Variants in LARP4 observed in about 807,000 individuals in gnomAD.
LARP4 encodes la-related protein 4.
LARP4 carries 29 observed loss-of-function variants against 92.9 expected under a neutral mutation model. The observed-to-expected ratio is 0.31, with a 90% CI of 0.23 to 0.43. The LOEUF is 0.43. Ranked by LOEUF, LARP4 falls within the 20% of genes least tolerant of loss-of-function variation. The pLI, the probability that LARP4 is intolerant of heterozygous loss-of-function variation, is 1.00. For synonymous variants in LARP4, 279 were observed against 284.1 expected, an observed-to-expected ratio of 0.98 and a Z score of 0.18; for missense variants, 732 against 860.0, an observed-to-expected ratio of 0.85 and a Z score of 1.86.
rs1005719971 is a variant in LARP4 at position 50,478,130 on chromosome 12, A to C, written c.*2266A>C. 1 of 152,536 alleles carries C rather than the reference A, an allele frequency of 6.6e-6. No individual in the cohort carries two copies. Among genetic ancestry groups the C allele is most frequent in the Admixed American group, 6.5e-5 (1 of 15,270 alleles). The allele number at this position is 152,536 out of a possible 1,614,324, so 9.4% of individuals were successfully genotyped here. On this transcript the variant is annotated 3_prime_UTR_variant, in exon 16 of 16. Transcript: ENST00000398473. ...AATTTAAAGGTTGTAATTGAAATACAAGAAAAGAGCCTTCTTTTAGAAGAA... is the reference window on the plus strand; with the variant it reads ...AATTTAAAGGTTGTAATTGAAATACCAGAAAAGAGCCTTCTTTTAGAAGAA...
At chr12:50,433,197 G>A (rs999828641) in intron 4 of LARP4, among the ~76,000 whole-genome samples, 3 of 151,428 alleles carry the variant, frequency 2.0e-5, no homozygotes, top group African/African-American at 7.3e-5. Context: ...AGGAAGGAAA[G>A]ATCTTCTTTG....
intron 10 of LARP4, among the ~76,000 whole-genome samples, chr12:50,457,860 G>A (rs1954610242): frequency 6.7e-6 from 1 of 149,578 alleles, no homozygotes; most frequent in African/African-American, 2.5e-5. Flanking sequence ...TATTTTCATT[G>A]CTATTTAAGA....
intron 13 of LARP4, among the ~76,000 whole-genome samples, chr12:50,469,227 G>A (rs1956584382): frequency 1.3e-5 from 2 of 152,124 alleles, no homozygotes; most frequent in East Asian, 1.9e-4. Flanking sequence ...ATTGTGACAC[G>A]TAGTAGTTAT....
chr12:50,433,859 C>G (rs1289680937), intron 4 of LARP4, among the ~76,000 whole-genome samples: 2 of 152,072 alleles, frequency 1.3e-5, no homozygotes, highest in African/African-American at 4.8e-5. Context: ...AGGCTAATCT[C>G]AAACTCCTGA....
intron 1 of LARP4, among the ~76,000 whole-genome samples, chr12:50,417,036 T>G (rs1409370107): frequency 6.6e-6 from 1 of 152,148 alleles, no homozygotes; most frequent in Admixed American, 6.6e-5. Context: ...GTTTAAAAAC[T>G]TTGATGAGAT....
chr12:50,467,105 T>G lies in LARP4; in HGVS notation c.1530T>G (p.Gly510=). 6.2e-7 allele frequency: 1 copy of G among 1,602,632 alleles called. No individual in the cohort carries two copies. The highest frequency in any genetic ancestry group is 8.5e-7 in the Non-Finnish European group (1 of 1,171,000). ...ATAGGATGTCTGATGTTGTTAAAGG[T>G]GTCTACAAAGAAAAGGTAAACACCC... ...LENRMSDVVK[G]VYKEKDNEEL... is the part of the protein sequence containing the mutation. The change falls in exon 13 of 16, where the codon GGT becomes GGG. Residue 510 remains glycine, a synonymous_variant. Transcript: ENST00000398473.
At chr12:50,443,715 G>A (rs181070986) in intron 8 of LARP4, among the ~76,000 whole-genome samples, 7 of 152,252 alleles carry the variant, frequency 4.6e-5, no homozygotes, top group East Asian at 1.9e-4. Context: ...GGGTTCAAGC[G>A]ATTCTCCTGC....
At chr12:50,427,304 T>C (rs1040009459) in intron 1 of LARP4, among the ~76,000 whole-genome samples, 1 of 148,296 alleles carries the variant, frequency 6.7e-6, no homozygotes, top group African/African-American at 2.6e-5. Flanking sequence ...TCTCAAAAGT[T>C]ATGTAAATAG....
chr12:50,406,674 A>G (rs1944900246), intron 1 of LARP4, among the ~76,000 whole-genome samples: 2 of 151,948 alleles, frequency 1.3e-5, no homozygotes, highest in Non-Finnish European at 2.9e-5. Context: ...AGTTAAAAAT[A>G]TTTTTAATTG....
Position 50,474,096 on chromosome 12 carries a change from A to C in LARP4, c.1765A>C (p.Lys589Gln), listed in dbSNP as rs374130369. Residue 589 changes from lysine to glutamine, a missense_variant, in exon 15 of 16, where the codon AAG (lysine) becomes CAG (glutamine). By Grantham distance (53) the Lys-to-Gln change is moderately conservative (BLOSUM62 1). Around this residue, in one of 7 missense-constraint regions of LARP4, gnomAD observed 97 missense variants for 85.9 expected, o/e 1.13. Transcript: ENST00000398473. ...TIPVSPPSTT[K>Q]PSRASTASPC... ...ACCAGTTTCTCCTCCAAGTACTACA[A>C]AGCCATCGAGGGCAAGTACTGCTTC... The C allele has an allele frequency of 6.2e-7, 1 of 1,613,154 alleles. No individual in the cohort carries two copies. Among genetic ancestry groups the C allele is most frequent in the African/African-American group, 1.3e-5 (1 of 74,900 alleles).
intron 15 of LARP4, 45 bp from the exon 16 acceptor site, chr12:50,475,481 A>T: frequency 1.4e-6 from 2 of 1,424,638 alleles, no homozygotes; most frequent in Non-Finnish European, 1.9e-6. Flanking sequence ...TTTATAATTT[A>T]AAGAATGTGT....
intron 4 of LARP4, among the ~76,000 whole-genome samples, chr12:50,433,276 TTTTTTTTTTTTTTGTAGTTTATCCCAGC>T (rs1210699506): frequency 6.6e-6 from 1 of 151,190 alleles, no homozygotes; most frequent in African/African-American, 2.4e-5. Flanking sequence ...GTGATTTTTT[TTTTTTTTTTTTTTGTAGTTTATCCCAGC>T]TTTTTTAGTT....
At chr12:50,464,516 C>T (rs994014428) in intron 12 of LARP4, among the ~76,000 whole-genome samples, 1 of 152,180 alleles carries the variant, frequency 6.6e-6, no homozygotes, top group Non-Finnish European at 1.5e-5. Flanking sequence ...CTCAGCCTCC[C>T]GAGTAGCTGG....
intron 1 of LARP4, chr12:50,402,773 T>C (rs1592677600): frequency 2.2e-6 from 1 of 455,758 alleles, no homozygotes; most frequent in Non-Finnish European, 4.4e-6. Context: ...TGTCAAATCA[T>C]GGACGGGATG....
chr12:50,466,781 A>G (rs1008233503), intron 12 of LARP4, among the ~76,000 whole-genome samples, 178 bp from the exon 13 acceptor site: 3 of 152,214 alleles, frequency 2.0e-5, no homozygotes, highest in Non-Finnish European at 4.4e-5. Flanking sequence ...TAGAATTGAT[A>G]AAGACTGATG....
At chr12:50,419,676 G>T (rs906268013) in intron 1 of LARP4, among the ~76,000 whole-genome samples, 2 of 152,148 alleles carry the variant, frequency 1.3e-5, no homozygotes, top group African/African-American at 4.8e-5. Flanking sequence ...GGAGACCAAG[G>T]TGAGATGATC....
Position 50,437,717 on chromosome 12 carries a change from C to T in LARP4, c.536-18C>T, listed in dbSNP as rs1950643841. Reference sequence around the variant, plus strand: ...CTACTTGTCACGTTTGAGTGATACCCTTTCTTTTAAATTTCAGCTTCTCCC... The same window carrying T: ...CTACTTGTCACGTTTGAGTGATACCTTTTCTTTTAAATTTCAGCTTCTCCC... On this transcript the variant is annotated intron_variant, in intron 5 of 15. Transcript: ENST00000398473. The T allele has an allele frequency of 6.9e-7, 1 of 1,446,720 alleles. No individual in the cohort carries two copies. Among genetic ancestry groups the T allele is most frequent in the Non-Finnish European group, 9.7e-7 (1 of 1,033,080 alleles). 89.6% of individuals were successfully genotyped at this position (1,446,720 alleles called of 1,614,324 possible). A position where few individuals can be genotyped will look rare whatever the true frequency, so the allele number is the denominator to read the frequency against.
intron 5 of LARP4, among the ~76,000 whole-genome samples, chr12:50,437,232 TTAAG>T (rs1256772539): frequency 1.3e-5 from 2 of 152,174 alleles, no homozygotes; most frequent in Non-Finnish European, 2.9e-5. Flanking sequence ...GTATGCAAGA[TTAAG>T]TAAGTTGAAA....
At chr12:50,446,638 A>T (rs80324816) in intron 8 of LARP4, among the ~76,000 whole-genome samples, 4,214 of 150,134 alleles carry the variant, frequency 0.028, 157 homozygotes, top group East Asian at 0.085. Flanking sequence ...TATGTTGGCC[A>T]GGCTGGTCTC....
Sources: gnomAD v4.1 joint callset for allele counts (sites outside exome capture counted in the v4.1 genomes callset) on GRCh38, gnomAD v4.1.1 for gene constraint, gnomAD v4.1.1 regional missense constraint, MANE v1.5 for transcripts, NCBI Gene and HGNC (gene_info 2026-07-23, HGNC 2026-07-21) for gene names.